The following GUCY1A1 variants were observed in gnomAD, a reference collection of about 807,000 sequenced individuals.
The protein encoded by GUCY1A1 is guanylate cyclase soluble subunit alpha-1.
A neutral mutation model predicts 64.5 loss-of-function variants in GUCY1A1; 48 were observed. The observed-to-expected ratio is 0.74, with a 90% CI of 0.59 to 0.95. GUCY1A1 has a LOEUF of 0.95. Ranked by LOEUF, GUCY1A1 falls within the 40% of genes least tolerant of loss-of-function variation. The pLI is 0.00. For synonymous variants in GUCY1A1, 308 were observed against 303.4 expected, an observed-to-expected ratio of 1.02 and a Z score of -0.16; for missense variants, 804 against 825.3, an observed-to-expected ratio of 0.97 and a Z score of 0.32.
intron 9 of GUCY1A1, among the ~76,000 whole-genome samples, chr4:155,727,309 T>A (rs373917387): frequency 2.6e-5 from 4 of 151,904 alleles, no homozygotes; most frequent in African/African-American, 9.7e-5. Context: ...TAATGAACAT[T>A]TCAAACTCCA....
chr4:155,689,293 T>A (rs534119587), intron 2 of GUCY1A1, among the ~76,000 whole-genome samples: 1 of 152,182 alleles, frequency 6.6e-6, no homozygotes, highest in Admixed American at 6.5e-5. Flanking sequence ...ATTTTAGCAA[T>A]GTAACTATGA....
intron 2 of GUCY1A1, among the ~76,000 whole-genome samples, chr4:155,693,500 C>G (rs1246786487): frequency 6.6e-6 from 1 of 152,050 alleles, no homozygotes; most frequent in Non-Finnish European, 1.5e-5. Context: ...CAATCTTTTG[C>G]CTGCCAGGAA....
At chr4:155,678,029 A>G (rs1036249020) in intron 2 of GUCY1A1, among the ~76,000 whole-genome samples, 3 of 152,190 alleles carry the variant, frequency 2.0e-5, no homozygotes, top group Non-Finnish European at 2.9e-5. Flanking sequence ...ATTAGACAAT[A>G]ATGAAATTAC....
intron 2 of GUCY1A1, among the ~76,000 whole-genome samples, chr4:155,683,678 G>C (rs552834495): frequency 6.6e-6 from 1 of 152,266 alleles, no homozygotes; most frequent in South Asian, 2.1e-4. Flanking sequence ...AGAGTCTGGG[G>C]CAACATTTTA....
At chr4:155,677,660 G>A (rs1012452145) in intron 2 of GUCY1A1, among the ~76,000 whole-genome samples, 2 of 152,050 alleles carry the variant, frequency 1.3e-5, no homozygotes, top group Non-Finnish European at 2.9e-5. Flanking sequence ...AGACCAGCCT[G>A]GTCAAACATG....
chr4:155,713,438 A>G lies in GUCY1A1; in HGVS notation c.1427A>G (p.Lys476Arg). The change falls in exon 7 of 10, where the codon AAG becomes AGG. Residue 476 changes from lysine (K) to arginine (R), a missense_variant. Physicochemically the swap from Lys to Arg is conservative, Grantham distance 26. Coordinates refer to ENST00000506455, the MANE Select transcript of GUCY1A1 (RefSeq NM_001130682.3). ...CAAGGGCAAGTTGTGCAAGCCAAGA[A>G]GTTCAGTAATGTCACCATGCTCTTC... ...LWQGQVVQAK[K>R]FSNVTMLFSD... The G allele has an allele frequency of 6.2e-7, 1 of 1,614,154 alleles. No individual in the cohort carries two copies. The highest frequency in any genetic ancestry group is 8.5e-7 in the Non-Finnish European group (1 of 1,180,008).
At position 155,734,630 on chromosome 4, in the gene GUCY1A1, A is replaced by G. The variant is rs2242297; in HGVS notation, c.*4399A>G. The G allele has an allele frequency of 0.51, 77,175 of 151,662 alleles. 21,523 individuals carry two copies. Among genetic ancestry groups the G allele is most frequent in the African/African-American group, 0.75 (30,854 of 41,366 alleles). 9.4% of individuals were successfully genotyped at this position (151,662 alleles called of 1,614,324 possible). Reference sequence around the variant, plus strand: ...AGGGTGCAGGGATGGAGAACACAGCATATATGAGAGGTGGGAGGGCAGAGA... The same window carrying G: ...AGGGTGCAGGGATGGAGAACACAGCGTATATGAGAGGTGGGAGGGCAGAGA... On this transcript the variant is annotated 3_prime_UTR_variant, in exon 10 of 10. Coordinates refer to ENST00000506455, the MANE Select transcript of GUCY1A1 (RefSeq NM_001130682.3).
In GUCY1A1 at chr4:155,731,534, T is replaced by C. The variant is rs1174292128; in HGVS notation, c.*1303T>C. 3 of 151,852 alleles carry C rather than the reference T, an allele frequency of 2.0e-5. No individual in the cohort carries two copies. Among genetic ancestry groups the C allele is most frequent in the Non-Finnish European group, 4.4e-5 (3 of 67,846 alleles). 9.4% of individuals were successfully genotyped at this position (151,852 alleles called of 1,614,324 possible). Reference sequence around the variant, plus strand: ...TTTTTCTTTTTGTTTTACATAAACATTTAAGCAGCTAGGAACTTTTAGTTT... The same window carrying C: ...TTTTTCTTTTTGTTTTACATAAACACTTAAGCAGCTAGGAACTTTTAGTTT... On this transcript the variant is annotated 3_prime_UTR_variant, in exon 10 of 10. Transcript: ENST00000506455.
chr4:155,718,785 T>G (rs1733591036), intron 8 of GUCY1A1, among the ~76,000 whole-genome samples: 1 of 152,094 alleles, frequency 6.6e-6, no homozygotes, highest in African/African-American at 2.4e-5. Flanking sequence ...CCGCAACACT[T>G]CCACTGCACT....
intron 2 of GUCY1A1, among the ~76,000 whole-genome samples, chr4:155,680,967 G>GCA (rs61277352): frequency 6.1e-4 from 88 of 143,836 alleles, no homozygotes; most frequent in African/African-American, 1.8e-3. Context: ...ACACACACAT[G>GCA]CACACACACA....
chr4:155,705,045 A>G (rs1455308579), intron 4 of GUCY1A1, among the ~76,000 whole-genome samples: 1 of 152,054 alleles, frequency 6.6e-6, no homozygotes, highest in Non-Finnish European at 1.5e-5. Flanking sequence ...CACCATGCTC[A>G]CCTAATTTTT....
chr4:155,707,232 G>A (rs1253355566), intron 4 of GUCY1A1, among the ~76,000 whole-genome samples: 1 of 152,186 alleles, frequency 6.6e-6, no homozygotes, highest in Non-Finnish European at 1.5e-5. Context: ...GTTCTCCTGA[G>A]TACAGAGTCT....
intron 9 of GUCY1A1, among the ~76,000 whole-genome samples, chr4:155,725,511 A>G (rs1734539084): frequency 6.6e-6 from 1 of 152,096 alleles, no homozygotes. Flanking sequence ...ATGTTAAGTG[A>G]TGTGTTATGT....
intron 5 of GUCY1A1, among the ~76,000 whole-genome samples, chr4:155,708,589 AT>A (rs1199085968): frequency 2.0e-5 from 3 of 152,210 alleles, no homozygotes; most frequent in Admixed American, 2.0e-4. Flanking sequence ...TCATTTATAC[AT>A]CAAAAATTCT....
At position 155,732,206 on chromosome 4, in the gene GUCY1A1, G is replaced by C. The variant is rs1735630200; in HGVS notation, c.*1975G>C. ...AATTCAAAAAGTATTTTGTGTGTTT[G>C]TGATGTATTAGCATATACACAAAAC... On this transcript the variant is annotated 3_prime_UTR_variant, in exon 10 of 10. Coordinates refer to ENST00000506455, the MANE Select transcript of GUCY1A1 (RefSeq NM_001130682.3). 6.6e-6 allele frequency: 1 copy of C among 151,828 alleles called. No homozygotes were observed. The highest frequency in any genetic ancestry group is 2.4e-5 in the African/African-American group (1 of 41,392). 9.4% of individuals were successfully genotyped at this position (151,828 alleles called of 1,614,324 possible). A position where few individuals can be genotyped will look rare whatever the true frequency, so the allele number is the denominator to read the frequency against.
chr4:155,689,824 A>G (rs1560926030), intron 2 of GUCY1A1, among the ~76,000 whole-genome samples: 7 of 152,176 alleles, frequency 4.6e-5, no homozygotes, highest in Admixed American at 2.6e-4. Flanking sequence ...TGATTATTGA[A>G]AGTGAGGTTG....
rs776334208 is a variant in GUCY1A1, at chr4:155,710,731, C to G, written c.566C>G (p.Ser189Cys). 4 of 1,614,088 alleles carry G rather than the reference C, an allele frequency of 2.5e-6. No individual in the cohort carries two copies. The East Asian group carries it at 8.9e-5, about 36-fold the overall frequency. ...AAAAGGGGCAGGCTTGAGGACGCCT[C>G]CATTCTATGCCTGGATAAGGAGGAT... is the stretch of plus-strand genomic sequence containing the variant. ...AGKRGRLEDA[S>C]ILCLDKEDDF... The change falls in exon 6 of 10, where the codon TCC becomes TGC. Residue 189 changes from serine (S) to cysteine (C), a missense_variant. By Grantham distance (112) the Ser-to-Cys change is moderately radical. Coordinates refer to ENST00000506455, the MANE Select transcript of GUCY1A1 (RefSeq NM_001130682.3).
In GUCY1A1 at chr4:155,713,208, C is replaced by T. The variant is rs1172924102; in HGVS notation, c.1197C>T (p.Tyr399=). 1.2e-6 allele frequency: 2 copies of T among 1,613,944 alleles called. No individual in the cohort carries two copies. Among genetic ancestry groups the T allele is most frequent in the Non-Finnish European group, 1.7e-6 (2 of 1,179,954 alleles). The part of the protein sequence containing the change: ...RLEDFTGRGL[Y]LSDIPIHNAL... ...AAGATTTTACAGGACGAGGGCTCTACCTCTCAGACATCCCAATTCACAATG... is the reference window on the plus strand; with the variant it reads ...AAGATTTTACAGGACGAGGGCTCTATCTCTCAGACATCCCAATTCACAATG... The change falls in exon 7 of 10, where the codon TAC becomes TAT. Residue 399 remains tyrosine (Y), a synonymous_variant. Transcript: ENST00000506455.
intron 7 of GUCY1A1, 58 bp from the exon 8 acceptor site, chr4:155,717,101 G>A (rs1672295597): frequency 2.5e-6 from 3 of 1,193,164 alleles, no homozygotes; most frequent in Non-Finnish European, 3.4e-6. Flanking sequence ...TCTATCCGAT[G>A]TAGGCTGTGA....
Sources: gnomAD v4.1 joint callset for allele counts (sites outside exome capture counted in the v4.1 genomes callset) on GRCh38, gnomAD v4.1.1 for gene constraint, MANE v1.5 for transcripts, NCBI Gene and HGNC (gene_info 2026-07-23, HGNC 2026-07-21) for gene names.